Variants in MCTP1 observed in about 807,000 individuals in gnomAD.
The protein encoded by MCTP1 is multiple C2 and transmembrane domain containing 1.
In MCTP1, 69 loss-of-function variants were observed where a neutral mutation model predicts 120.6. The ratio of observed to expected loss-of-function variants is 0.57; its 90% CI spans 0.47 to 0.70. The LOEUF (loss-of-function observed/expected upper bound fraction) is 0.70. Ranked by LOEUF, MCTP1 falls within the 30% of genes least tolerant of loss-of-function variation. The probability of loss-of-function intolerance (pLI) is 0.00; values close to 1 mark genes in which losing one functional copy is unlikely to be tolerated. For synonymous variants in MCTP1, 529 were observed against 493.1 expected (o/e 1.07, Z -0.96); for missense variants, 1,203 against 1,248.8 (o/e 0.96, Z 0.55).
intron 18 of MCTP1, among the ~76,000 whole-genome samples, chr5:94,781,812 C>T (rs774180801): frequency 1.0e-3 from 153 of 152,284 alleles, no homozygotes; most frequent in Non-Finnish European, 1.6e-3. Flanking sequence ...AATTGCTCCA[C>T]AAATGTGCAG....
chr5:94,994,738 A>G (rs34112411), intron 2 of MCTP1, among the ~76,000 whole-genome samples: 24,890 of 152,126 alleles, frequency 0.16, 2,248 homozygotes, highest in East Asian at 0.33. Context: ...AGTGGACTGC[A>G]AAAGGCAGAC....
chr5:94,799,190 A>G, intron 17 of MCTP1, 58 bp from the exon 18 acceptor site: 1 of 1,510,816 alleles, frequency 6.6e-7, no homozygotes, highest in Non-Finnish European at 9.0e-7. Flanking sequence ...CATTAAATGG[A>G]CTCTTATTTA....
chr5:95,139,090 C>G (rs981524088), intron 1 of MCTP1, among the ~76,000 whole-genome samples: 1 of 151,634 alleles, frequency 6.6e-6, no homozygotes, highest in Admixed American at 6.6e-5. Flanking sequence ...TTCAAATAGT[C>G]GTATTAGTTT....
At chr5:94,934,944 G>A (rs1815806151) in intron 5 of MCTP1, among the ~76,000 whole-genome samples, 1 of 151,764 alleles carries the variant, frequency 6.6e-6, no homozygotes, top group Non-Finnish European at 1.5e-5. Flanking sequence ...GAGCCAGAAA[G>A]AACTCAAACA....
chr5:95,162,480 T>A lies in MCTP1; in HGVS notation c.720+121376A>T, dbSNP rs533932916. On this transcript the variant is annotated intron_variant, in intron 1 of 22. Transcript: ENST00000515393. ...CCTCTTTTAGATTATTTACAGGCTG[T>A]GAAGCAAACAGTGAAGTTACCAAAC... 5.3e-5 allele frequency among the ~76,000 whole-genome samples: 8 copies of A among 152,272 alleles called. No individual in the cohort carries two copies. In the East Asian group the frequency reaches 1.5e-3, roughly 29 times the overall value.
At chr5:94,805,855 C>T (rs539780189) in intron 17 of MCTP1, among the ~76,000 whole-genome samples, 28 of 144,176 alleles carry the variant, frequency 1.9e-4, no homozygotes, top group Admixed American at 9.8e-4. Flanking sequence ...GCTGTTCCCA[C>T]GAAGCTCCAC....
chr5:95,015,246 G>C (rs1307968219), intron 2 of MCTP1, among the ~76,000 whole-genome samples: 2 of 152,050 alleles, frequency 1.3e-5, no homozygotes, highest in African/African-American at 2.4e-5. Context: ...AAATAGGCCT[G>C]TATGTATAAT....
chr5:95,210,055 G>A (rs1211164762), intron 1 of MCTP1, among the ~76,000 whole-genome samples: 2 of 152,122 alleles, frequency 1.3e-5, no homozygotes, highest in Admixed American at 1.3e-4. Context: ...TATAATTTCT[G>A]TTCTTTTACA....
At chr5:95,111,294 A>G (rs1483639461) in intron 1 of MCTP1, among the ~76,000 whole-genome samples, 1 of 152,208 alleles carries the variant, frequency 6.6e-6, no homozygotes, top group Non-Finnish European at 1.5e-5. Context: ...AAAGAAAACA[A>G]GTAGAAGCAT....
chr5:94,718,650 TAAATTTACAAGAAAA>T (rs1760103854), intron 19 of MCTP1, among the ~76,000 whole-genome samples: 1 of 152,040 alleles, frequency 6.6e-6, no homozygotes, highest in African/African-American at 2.4e-5. Flanking sequence ...TACAAGAACT[TAAATTTACAAGAAAA>T]AAATCATTAA....
intron 2 of MCTP1, among the ~76,000 whole-genome samples, chr5:94,989,817 T>C (rs1831176608): frequency 6.6e-6 from 1 of 152,290 alleles, no homozygotes; most frequent in Non-Finnish European, 1.5e-5. Flanking sequence ...GCCTACATAA[T>C]GAAACCTCCA....
chr5:95,073,702 G>A (rs1408280670), intron 1 of MCTP1, among the ~76,000 whole-genome samples: 1 of 152,168 alleles, frequency 6.6e-6, no homozygotes, highest in East Asian at 1.9e-4. Flanking sequence ...GAGCTCAGGT[G>A]CCTCCCTTCA....
intron 1 of MCTP1, among the ~76,000 whole-genome samples, chr5:95,036,273 G>A (rs1417550742): frequency 1.3e-5 from 2 of 152,094 alleles, no homozygotes; most frequent in African/African-American, 4.8e-5. Flanking sequence ...AACATATATG[G>A]GAAAACATTT....
chr5:94,863,508 CTACA>C (rs1796208889), intron 17 of MCTP1, among the ~76,000 whole-genome samples: 3 of 151,836 alleles, frequency 2.0e-5, no homozygotes, highest in Middle Eastern at 3.4e-3. Flanking sequence ...TGTAATTATC[CTACA>C]TTTCATTGTG....
At position 95,284,156 on chromosome 5, in the gene MCTP1, C is replaced by A; in HGVS notation, c.420G>T (p.Ser140=). 2 of 1,562,736 alleles carry A rather than the reference C, an allele frequency of 1.3e-6. No individual in the cohort carries two copies. The highest frequency in any genetic ancestry group is 8.7e-7 in the Non-Finnish European group (1 of 1,154,376). Residue 140 remains serine (S), a synonymous_variant, in exon 1 of 23, where the codon TCG becomes TCT. Coordinates refer to ENST00000515393, the MANE Select transcript of MCTP1 (RefSeq NM_024717.7). This position sits in a 1 kb window ranked among gnomAD's most constrained non-coding sequence, Gnocchi z 5.2. ...LPAVKGPAAA[S]GAAGGTPPGG... ...CAGGAGGCGTCCCTCCCGCTGCTCC[C>A]GAGGCCGCCGCGGGCCCCTTTACGG...
At chr5:95,107,509 G>C (rs1432352438) in intron 1 of MCTP1, among the ~76,000 whole-genome samples, 1 of 152,142 alleles carries the variant, frequency 6.6e-6, no homozygotes, top group East Asian at 1.9e-4. Context: ...ATAAGAATTA[G>C]CATATAACTT....
At chr5:95,151,134 T>C (rs539366125) in intron 1 of MCTP1, among the ~76,000 whole-genome samples, 1 of 131,918 alleles carries the variant, frequency 7.6e-6, no homozygotes, top group African/African-American at 3.4e-5. Context: ...CTGGCTCATA[T>C]ATATATATAT....
At chr5:95,064,566 T>G (rs1340463126) in intron 1 of MCTP1, among the ~76,000 whole-genome samples, 1 of 152,178 alleles carries the variant, frequency 6.6e-6, no homozygotes, top group Non-Finnish European at 1.5e-5. Flanking sequence ...GTTATTTGGC[T>G]CTAAGGACAA....
chr5:94,862,906 G>A (rs149352), intron 17 of MCTP1, among the ~76,000 whole-genome samples: 48,940 of 151,574 alleles, frequency 0.32, 8,049 homozygotes, highest in Non-Finnish European at 0.35. Context: ...ATTGTGGTAC[G>A]AGAAACTTCT....
Sources: gnomAD v4.1 joint callset for allele counts (sites outside exome capture counted in the v4.1 genomes callset) on GRCh38, gnomAD v4.1.1 for gene constraint, Gnocchi (gnomAD v3.1) non-coding constraint, MANE v1.5 for transcripts, NCBI Gene and HGNC (gene_info 2026-07-23, HGNC 2026-07-21) for gene names.